DOCK7: variants seen among roughly 807,000 people sequenced by gnomAD.
DOCK7 encodes dedicator of cytokinesis protein 7.
In DOCK7, 138 loss-of-function variants were observed where a neutral mutation model predicts 271.0. That is an observed-to-expected ratio of 0.51 (90% confidence interval 0.44 to 0.59). The LOEUF is 0.59. Ranked by LOEUF, DOCK7 falls within the 20% of genes least tolerant of loss-of-function variation. DOCK7 has a pLI of 0.00. For missense variants in DOCK7, 2,066 were observed against 2,592.4 expected, an observed-to-expected ratio of 0.80 and a Z score of 4.41; for synonymous variants, 823 against 876.1, an observed-to-expected ratio of 0.94 and a Z score of 1.07.
At position 62,545,230 on chromosome 1, in the gene DOCK7, T is replaced by A. The variant is rs556992175; in HGVS notation, c.2767-191A>T. Among the ~76,000 whole-genome samples, 515 of 152,164 alleles carry A rather than the reference T, an allele frequency of 3.4e-3. 7 individuals carry two copies. The highest frequency in any genetic ancestry group is 0.01 in the African/African-American group (427 of 41,520). On this transcript the variant is annotated intron_variant, in intron 22 of 49. Coordinates refer to ENST00000635253, the MANE Select transcript of DOCK7 (RefSeq NM_001367561.1). ...ATTATCTTATTATATAACACAATTT[T>A]AAAAAAAATCACCAAGACCATTAAG... is the stretch of plus-strand genomic sequence containing the variant.
At chr1:62,564,958 A>G (rs1646461161) in intron 18 of DOCK7, among the ~76,000 whole-genome samples, 2 of 152,244 alleles carry the variant, frequency 1.3e-5, no homozygotes, top group Admixed American at 6.5e-5. Context: ...GAAGAAATGA[A>G]TAAATTCCTG....
intron 44 of DOCK7, among the ~76,000 whole-genome samples, chr1:62,477,422 T>C (rs769198141): frequency 1.3e-5 from 2 of 152,214 alleles, no homozygotes; most frequent in Non-Finnish European, 2.9e-5. Flanking sequence ...GATTATACTA[T>C]ATATTTCTCC....
chr1:62,565,987 A>C (rs570485240), intron 18 of DOCK7, among the ~76,000 whole-genome samples: 2 of 152,284 alleles, frequency 1.3e-5, no homozygotes, highest in South Asian at 4.1e-4. Context: ...CAGGAATACA[A>C]TTTACAAGGG....
intron 31 of DOCK7, among the ~76,000 whole-genome samples, chr1:62,519,458 A>G (rs1000529943): frequency 4.6e-5 from 7 of 152,218 alleles, no homozygotes; most frequent in African/African-American, 1.4e-4. Flanking sequence ...AAGGATATCT[A>G]GAAATTTTCA....
At chr1:62,477,217 A>C (rs543374820) in intron 44 of DOCK7, 1 of 152,398 alleles carries the variant, frequency 6.6e-6, no homozygotes, top group Admixed American at 6.5e-5. Context: ...ATTTATGGTG[A>C]AAATTAAGAA....
Position 62,561,697 on chromosome 1 carries a change from G to T in DOCK7, c.2119C>A (p.Leu707Ile). 3 of 1,561,292 alleles carry T rather than the reference G, an allele frequency of 1.9e-6. No individual in the cohort carries two copies. Among genetic ancestry groups the T allele is most frequent in the Non-Finnish European group, 2.6e-6 (3 of 1,160,066 alleles). Reference sequence around the variant, plus strand: ...TTATCTACCCATTTCATGCCAGGTAGAGGAACCTGTAAGATATTAAATATA... The same window carrying T: ...TTATCTACCCATTTCATGCCAGGTATAGGAACCTGTAAGATATTAAATATA... ...AYSVLSPEVP[L>I]PGMKWVDNHK... Residue 707 changes from leucine (L) to isoleucine (I), a missense_variant, in exon 19 of 50, where the codon CTA becomes ATA. Coordinates refer to ENST00000635253, the MANE Select transcript of DOCK7 (RefSeq NM_001367561.1).
intron 48 of DOCK7, among the ~76,000 whole-genome samples, chr1:62,473,068 C>A (rs1276804523): frequency 6.6e-6 from 1 of 152,126 alleles, no homozygotes; most frequent in African/African-American, 2.4e-5. Flanking sequence ...ATCACAGGCA[C>A]CAGTATAACT....
At chr1:62,512,441 G>C (rs1283609181) in intron 33 of DOCK7, among the ~76,000 whole-genome samples, 1 of 152,132 alleles carries the variant, frequency 6.6e-6, no homozygotes, top group Non-Finnish European at 1.5e-5. Context: ...ATAAGGAAAA[G>C]GAAGATGGGG....
intron 21 of DOCK7, among the ~76,000 whole-genome samples, chr1:62,553,310 TTTTA>T (rs1645980436): frequency 4.9e-4 from 4 of 8,174 alleles, no homozygotes; most frequent in African/African-American, 1.3e-3. Context: ...ATAAAAAGTA[TTTTA>T]TATATATATA....
At chr1:62,610,140 C>T (rs1442932233) in intron 14 of DOCK7, among the ~76,000 whole-genome samples, 3 of 152,268 alleles carry the variant, frequency 2.0e-5, no homozygotes, top group East Asian at 1.9e-4. Flanking sequence ...TGAGCCCCCG[C>T]GCCCAGCCGA....
Position 62,554,584 on chromosome 1 carries a change from G to A in DOCK7, c.2596+1241C>T, listed in dbSNP as rs117977871. 4.4e-4 allele frequency among the ~76,000 whole-genome samples: 67 copies of A among 151,216 alleles called. No individual in the cohort carries two copies. The East Asian group carries it at 0.011, about 25-fold the overall frequency. ...TTTATTTTTAAAATAAAACATCCAG[G>A]AATTATAGTGTTAATTTATCTTCAT... is the stretch of plus-strand genomic sequence containing the variant. On this transcript the variant is annotated intron_variant, in intron 21 of 49. Transcript: ENST00000635253.
intron 14 of DOCK7, among the ~76,000 whole-genome samples, chr1:62,599,117 TTA>T (rs1298282857): frequency 6.6e-6 from 1 of 152,122 alleles, no homozygotes; most frequent in Non-Finnish European, 1.5e-5. Flanking sequence ...CAATGTCATC[TTA>T]CTAAAATTCA....
At chr1:62,570,325 C>T (rs1571593257) in intron 18 of DOCK7, among the ~76,000 whole-genome samples, 1 of 152,056 alleles carries the variant, frequency 6.6e-6, no homozygotes, top group African/African-American at 2.4e-5. Flanking sequence ...GAATGAAATA[C>T]CCAGGAATAC....
chr1:62,677,212 G>T (rs185395835), intron 1 of DOCK7, among the ~76,000 whole-genome samples: 1 of 152,242 alleles, frequency 6.6e-6, no homozygotes, highest in East Asian at 1.9e-4. Flanking sequence ...TTTGGGTGGG[G>T]CTAACACATC....
chr1:62,657,276 A>G (rs1322313099), intron 2 of DOCK7, among the ~76,000 whole-genome samples: 3 of 152,130 alleles, frequency 2.0e-5, no homozygotes, highest in Non-Finnish European at 4.4e-5. Context: ...GGTCCAGTAG[A>G]AGTGGGAACC....
intron 49 of DOCK7, among the ~76,000 whole-genome samples, chr1:62,456,957 T>G (rs1228483744): frequency 6.6e-6 from 1 of 152,226 alleles, no homozygotes; most frequent in Non-Finnish European, 1.5e-5. Flanking sequence ...AAAGTTTACT[T>G]TCTGCAGTTA....
chr1:62,595,533 T>C (rs1293847795), intron 14 of DOCK7, among the ~76,000 whole-genome samples: 1 of 152,202 alleles, frequency 6.6e-6, no homozygotes, highest in Non-Finnish European at 1.5e-5. Flanking sequence ...TTAACCACTA[T>C]GGAATACTGC....
Position 62,487,119 on chromosome 1 carries a change from T to G in DOCK7, c.5508+279A>C, listed in dbSNP as rs564756225. ...GTATAAATGTTGATGAGAGAAATGC[T>G]TCAAAGGGTAAAAACTAAAGTGATG... On this transcript the variant is annotated intron_variant, in intron 43 of 49. Coordinates refer to ENST00000635253, the MANE Select transcript of DOCK7 (RefSeq NM_001367561.1). 2.9e-4 allele frequency: 81 copies of G among 279,360 alleles called. No individual in the cohort carries two copies. In the East Asian group the frequency reaches 4.6e-3, roughly 16 times the overall value. The allele number at this position is 279,360 out of a possible 1,614,324, so 17.3% of individuals were successfully genotyped here. A position where few individuals can be genotyped will look rare whatever the true frequency, so the allele number is the denominator to read the frequency against.
At chr1:62,538,852 A>C (rs770488601) in intron 27 of DOCK7, among the ~76,000 whole-genome samples, 9 of 152,168 alleles carry the variant, frequency 5.9e-5, no homozygotes, top group Non-Finnish European at 1.3e-4. Context: ...ATAAGTTTGA[A>C]CTTCTCAATA....
Sources: gnomAD v4.1 joint callset for allele counts (sites outside exome capture counted in the v4.1 genomes callset) on GRCh38, gnomAD v4.1.1 for gene constraint, MANE v1.5 for transcripts, NCBI Gene and HGNC (gene_info 2026-07-23, HGNC 2026-07-21) for gene names.